TET2: variants seen among roughly 807,000 people sequenced by gnomAD.
TET2 encodes tet methylcytosine dioxygenase 2, also known as methylcytosine dioxygenase TET2.
TET2 carries 299 observed loss-of-function variants against 142.9 expected under a neutral mutation model. The ratio of observed to expected loss-of-function variants is 2.09; its 90% confidence interval spans 1.90 to 2.30. The LOEUF (loss-of-function observed/expected upper bound fraction) is 2.30. Ranked by LOEUF, TET2 falls within the 30% of genes most tolerant of loss-of-function variation. The pLI is 0.00. For missense variants in TET2, 2,418 were observed against 2,378.0 expected (o/e 1.02, Z -0.35); for synonymous variants, 819 against 849.0 (o/e 0.96, Z 0.61).
intron 1 of TET2, among the ~76,000 whole-genome samples, chr4:105,154,261 A>G (rs1723454785): frequency 6.6e-6 from 1 of 152,252 alleles, no homozygotes; most frequent in African/African-American, 2.4e-5. Flanking sequence ...ATGCTTTAAA[A>G]GGATGAATTT....
Position 105,241,198 on chromosome 4 carries a change from TCTA to T in TET2, c.3410-138_3410-136del, listed in dbSNP as rs1397502782. ...ATTTTCTAATAGATCAGTCCATCAA[TCTA>T]CTCATTTTAAAGAAAAAAAAATTTT... is the stretch of plus-strand genomic sequence containing the variant. On this transcript the variant is annotated intron_variant, in intron 3 of 10. Coordinates refer to ENST00000380013, the MANE Select transcript of TET2 (RefSeq NM_001127208.3). 14 of 1,329,768 alleles carry T rather than the reference TCTA, an allele frequency of 1.1e-5. No individual in the cohort carries two copies. In the African/African-American group the frequency reaches 1.2e-4, roughly 11 times the overall value. The allele number at this position is 1,329,768 out of a possible 1,614,324, so 82.4% of individuals were successfully genotyped here. A position where few individuals can be genotyped will look rare whatever the true frequency, so the allele number is the denominator to read the frequency against.
Position 105,275,753 on chromosome 4 carries a change from AC to A in TET2, c.5244del (p.Asn1748LysfsTer15), listed in dbSNP as rs1418808568. The A allele has an allele frequency of 1.3e-6, 2 of 1,551,668 alleles. No homozygotes were observed. Among genetic ancestry groups the A allele is most frequent in the Non-Finnish European group, 1.7e-6 (2 of 1,146,998 alleles). ...TTACCACCCAATCTGAGCAATCCAA[AC>A]ATGGACTATAAAAATGGTGAACATC... ...SRLPPNLSNP[N>X]MDYKNGEHHS... is the part of the protein sequence containing the mutation. On this transcript the variant is annotated frameshift_variant, in exon 11 of 11. Transcript: ENST00000380013. LOFTEE classifies it low-confidence loss of function (END_TRUNC).
At chr4:105,243,296 A>G (rs1045457363) in intron 5 of TET2, among the ~76,000 whole-genome samples, 1 of 152,200 alleles carries the variant, frequency 6.6e-6, no homozygotes, top group Non-Finnish European at 1.5e-5. Flanking sequence ...GTTTTAATGC[A>G]GGTAGCATTT....
chr4:105,228,788 A>G (rs1393806616), intron 2 of TET2, among the ~76,000 whole-genome samples: 2 of 152,112 alleles, frequency 1.3e-5, no homozygotes, highest in African/African-American at 2.4e-5. Flanking sequence ...ATTTATGTCT[A>G]TGCTCCTTAA....
chr4:105,192,639 G>A (rs1725850701), intron 2 of TET2, among the ~76,000 whole-genome samples: 1 of 152,084 alleles, frequency 6.6e-6, no homozygotes, highest in Non-Finnish European at 1.5e-5. Context: ...TTGAGCACCT[G>A]CCAAATACCA....
At chr4:105,185,548 A>T (rs1725378307) in intron 1 of TET2, among the ~76,000 whole-genome samples, 1 of 152,140 alleles carries the variant, frequency 6.6e-6, no homozygotes, top group Admixed American at 6.5e-5. Flanking sequence ...TCGGAGGCCG[A>T]GGTATGCGGA....
At chr4:105,219,392 TG>T (rs1348496979) in intron 2 of TET2, among the ~76,000 whole-genome samples, 2 of 152,118 alleles carry the variant, frequency 1.3e-5, no homozygotes, top group East Asian at 3.8e-4. Flanking sequence ...AAAACATAGA[TG>T]GCATGCCTTT....
At chr4:105,188,097 C>G (rs1004177177) in intron 1 of TET2, among the ~76,000 whole-genome samples, 2 of 152,016 alleles carry the variant, frequency 1.3e-5, no homozygotes, top group African/African-American at 4.8e-5. Context: ...TTCACAATAG[C>G]CTAAAGGTAG....
chr4:105,240,122 C>T (rs932715269), intron 3 of TET2: 2 of 231,580 alleles, frequency 8.6e-6, no homozygotes, highest in African/African-American at 4.5e-5. Flanking sequence ...ATCGCCATAA[C>T]ATAAATAATA....
At chr4:105,171,023 T>C (rs1312389682) in intron 1 of TET2, among the ~76,000 whole-genome samples, 1 of 152,200 alleles carries the variant, frequency 6.6e-6, no homozygotes, top group African/African-American at 2.4e-5. Context: ...TGAGAAAATA[T>C]CTTTTCTGGA....
intron 1 of TET2, among the ~76,000 whole-genome samples, chr4:105,186,581 C>T (rs1428893116): frequency 6.7e-6 from 1 of 150,054 alleles, no homozygotes; most frequent in African/African-American, 2.5e-5. Context: ...AGGCGATTCT[C>T]CCGCCTCAGC....
chr4:105,172,613 C>T (rs1159894770), intron 1 of TET2: 1 of 152,094 alleles, frequency 6.6e-6, no homozygotes, highest in African/African-American at 2.4e-5. Context: ...TGTTACATTG[C>T]ATTTTGTAAG....
intron 1 of TET2, among the ~76,000 whole-genome samples, chr4:105,172,747 T>C (rs1310765877): frequency 6.6e-6 from 1 of 152,212 alleles, no homozygotes; most frequent in East Asian, 1.9e-4. Context: ...TTTGTATACT[T>C]TCTGTAATGT....
chr4:105,178,514 T>C (rs1357218362), intron 1 of TET2, among the ~76,000 whole-genome samples: 3 of 152,204 alleles, frequency 2.0e-5, no homozygotes, highest in Admixed American at 2.0e-4. Context: ...TATACATTTG[T>C]CCAAACACGT....
intron 2 of TET2, among the ~76,000 whole-genome samples, chr4:105,224,966 C>T (rs950618847): frequency 2.0e-5 from 3 of 151,968 alleles, no homozygotes; most frequent in African/African-American, 7.3e-5. Flanking sequence ...CATAATATGA[C>T]TAGTGGGATC....
intron 2 of TET2, among the ~76,000 whole-genome samples, chr4:105,228,858 T>C (rs539016538): frequency 6.6e-6 from 1 of 152,262 alleles, no homozygotes; most frequent in South Asian, 2.1e-4. Flanking sequence ...AGACTACAAA[T>C]CAATTTTCAT....
chr4:105,148,908 A>G (rs1560705746), intron 1 of TET2, among the ~76,000 whole-genome samples: 1 of 152,136 alleles, frequency 6.6e-6, no homozygotes, highest in African/African-American at 2.4e-5. Context: ...TCACTTTGTA[A>G]CTTTCTATTT....
At position 105,243,711 on chromosome 4, in the gene TET2, TCGGAGCTTAC is replaced by T. The variant is rs1729431763; in HGVS notation, c.3739_3748del (p.Glu1247ArgfsTer3). 1 of 1,551,438 alleles carries T rather than the reference TCGGAGCTTAC, an allele frequency of 6.4e-7. No individual in the cohort carries two copies. Among genetic ancestry groups the T allele is most frequent in the South Asian group, 1.2e-5 (1 of 84,060 alleles). ...GCTGTCTCTGGCTGACAAACTCTAC[TCGGAGCTTAC>T]CGAGACGCTGAGGAAATACGGCACG... On this transcript the variant is annotated frameshift_variant, in exon 6 of 11. Transcript: ENST00000380013. LOFTEE classifies it high-confidence loss of function.
chr4:105,262,650 G>A (rs1352223320), intron 8 of TET2, among the ~76,000 whole-genome samples: 1 of 152,122 alleles, frequency 6.6e-6, no homozygotes, highest in African/African-American at 2.4e-5. Flanking sequence ...GGGAGGCCAA[G>A]GCAGGTGGAT....
Sources: gnomAD v4.1 joint callset for allele counts (sites outside exome capture counted in the v4.1 genomes callset) on GRCh38, gnomAD v4.1.1 for gene constraint, MANE v1.5 for transcripts, NCBI Gene and HGNC (gene_info 2026-07-23, HGNC 2026-07-21) for gene names.